ANKS1B: variants seen among roughly 807,000 people sequenced by gnomAD.
ANKS1B encodes ankyrin repeat and sterile alpha motif domain containing 1B.
In ANKS1B, 36 loss-of-function variants were observed where a neutral mutation model predicts 148.3. That is an observed-to-expected ratio of 0.24 (90% CI 0.19 to 0.32). The LOEUF (loss-of-function observed/expected upper bound fraction) is 0.32, where lower values mean the gene tolerates loss of function less well. ANKS1B is among the 10% of genes least tolerant of loss of function. ANKS1B has a pLI of 1.00. For synonymous variants in ANKS1B, 542 were observed against 560.8 expected, an observed-to-expected ratio of 0.97 and a Z score of 0.47; for missense variants, 1,157 against 1,542.6, an observed-to-expected ratio of 0.75 and a Z score of 4.19.
At chr12:99,168,934 T>A (rs1413119321) in intron 14 of ANKS1B, among the ~76,000 whole-genome samples, 1 of 152,218 alleles carries the variant, frequency 6.6e-6, no homozygotes, top group Non-Finnish European at 1.5e-5. Context: ...AATATTAGTT[T>A]AGGTATCTAA....
intron 9 of ANKS1B, among the ~76,000 whole-genome samples, chr12:99,650,312 T>C (rs1273627302): frequency 5.3e-5 from 8 of 152,176 alleles, no homozygotes; most frequent in Non-Finnish European, 1.0e-4. Context: ...CTCTCTCCTC[T>C]CTCTCTCCAG....
chr12:99,573,173 A>G (rs1161370606), intron 9 of ANKS1B, among the ~76,000 whole-genome samples: 3 of 152,124 alleles, frequency 2.0e-5, no homozygotes, highest in Non-Finnish European at 4.4e-5. Flanking sequence ...ACAGATTTTC[A>G]GCATCTATTG....
intron 1 of ANKS1B, among the ~76,000 whole-genome samples, chr12:99,828,457 ACT>A (rs1485355352): frequency 6.6e-6 from 1 of 152,096 alleles, no homozygotes; most frequent in African/African-American, 2.4e-5. Context: ...GAAAACCTCC[ACT>A]CTCAAATATG....
intron 9 of ANKS1B, among the ~76,000 whole-genome samples, chr12:99,560,932 C>T (rs185831566): frequency 2.7e-5 from 4 of 150,178 alleles, no homozygotes; most frequent in Admixed American, 1.3e-4. Context: ...CTGCAAGCTC[C>T]GCCTCCTGGG....
intron 14 of ANKS1B, among the ~76,000 whole-genome samples, chr12:99,172,630 TTGGTCTA>T (rs2077909272): frequency 2.0e-5 from 3 of 152,196 alleles, no homozygotes; most frequent in South Asian, 4.1e-4. Flanking sequence ...TAGAGAAGAC[TTGGTCTA>T]ATGTTGGTTC....
At chr12:99,088,843 T>TG in intron 15 of ANKS1B, among the ~76,000 whole-genome samples, 1 of 134,434 alleles carries the variant, frequency 7.4e-6, no homozygotes, top group Middle Eastern at 3.6e-3. Flanking sequence ...CTTCTGTTTT[T>TG]TTTTTTTTTT....
At chr12:98,821,428 T>G (rs1316127308) in intron 19 of ANKS1B, among the ~76,000 whole-genome samples, 1 of 152,192 alleles carries the variant, frequency 6.6e-6, no homozygotes, top group Non-Finnish European at 1.5e-5. Flanking sequence ...TCAGTCCACA[T>G]TGTTCACATG....
chr12:99,416,468 C>T (rs1286744805), intron 11 of ANKS1B, among the ~76,000 whole-genome samples: 1 of 152,202 alleles, frequency 6.6e-6, no homozygotes, highest in African/African-American at 2.4e-5. Context: ...ACATTTCCAC[C>T]AGCAATCTAT....
At chr12:98,782,991 G>C (rs1455828417) in intron 22 of ANKS1B, among the ~76,000 whole-genome samples, 1 of 151,284 alleles carries the variant, frequency 6.6e-6, no homozygotes, top group East Asian at 1.9e-4. Flanking sequence ...ACTCTGTAAA[G>C]AGGGAGGGCT....
At chr12:99,293,878 A>G (rs1037670942) in intron 12 of ANKS1B, among the ~76,000 whole-genome samples, 1 of 152,254 alleles carries the variant, frequency 6.6e-6, no homozygotes, top group Admixed American at 6.5e-5. Context: ...CTGAATAGAC[A>G]TTTATCAAAA....
chr12:99,150,767 A>AACTCAGGGG (rs1468945122), intron 15 of ANKS1B, among the ~76,000 whole-genome samples: 1 of 152,080 alleles, frequency 6.6e-6, no homozygotes, highest in African/African-American at 2.4e-5. Flanking sequence ...CTATGTTGCA[A>AACTCAGGGG]ACTCAGGGGA....
chr12:99,384,081 A>C (rs1156395670), intron 12 of ANKS1B, among the ~76,000 whole-genome samples: 1 of 152,162 alleles, frequency 6.6e-6, no homozygotes, highest in African/African-American at 2.4e-5. Flanking sequence ...ATGAACTCTC[A>C]GCTCAAAGAG....
chr12:98,974,413 T>C (rs1554546), intron 17 of ANKS1B, among the ~76,000 whole-genome samples: 14,884 of 152,182 alleles, frequency 0.098, 1,479 homozygotes, highest in African/African-American at 0.24. Context: ...TGAGTTAATA[T>C]TTGCAAAATG....
chr12:99,433,478 C>G (rs531481052), intron 11 of ANKS1B, among the ~76,000 whole-genome samples: 33 of 152,140 alleles, frequency 2.2e-4, no homozygotes, highest in Non-Finnish European at 3.5e-4. Flanking sequence ...GGTTTTGAAG[C>G]CTGCTAAGAG....
chr12:99,102,463 A>ACTGGGTG (rs1462840023), intron 15 of ANKS1B, among the ~76,000 whole-genome samples: 1 of 151,944 alleles, frequency 6.6e-6, no homozygotes, highest in Non-Finnish European at 1.5e-5. Flanking sequence ...ATAGGAGGTG[A>ACTGGGTG]CTGGGTGCAC....
chr12:99,814,523 A>G (rs1194656251), intron 2 of ANKS1B, among the ~76,000 whole-genome samples: 1 of 151,774 alleles, frequency 6.6e-6, no homozygotes, highest in East Asian at 1.9e-4. Flanking sequence ...TTTCCCTGCC[A>G]AGCAAGGGTT....
chr12:99,955,851 T>C (rs2095315024), intron 1 of ANKS1B, among the ~76,000 whole-genome samples: 1 of 152,154 alleles, frequency 6.6e-6, no homozygotes, highest in Non-Finnish European at 1.5e-5. Flanking sequence ...AAATCAGATA[T>C]GTAAATAAGT....
chr12:99,758,171 G>A (rs1221787354), intron 8 of ANKS1B, among the ~76,000 whole-genome samples: 1 of 151,886 alleles, frequency 6.6e-6, no homozygotes, highest in African/African-American at 2.4e-5. Flanking sequence ...GTCTCATCTG[G>A]CAGTATAATA....
intron 18 of ANKS1B, 131 bp downstream of exon 18, chr12:98,831,898 C>CA (rs2099319414): frequency 1.3e-6 from 1 of 792,900 alleles, no homozygotes; most frequent in East Asian, 2.7e-5. Flanking sequence ...TACAGACAGG[C>CA]ACAACCACAC....
Sources: allele counts gnomAD v4.1 joint callset (sites outside exome capture counted in the v4.1 genomes callset), GRCh38; gene constraint gnomAD v4.1.1; transcripts MANE v1.5; gene names NCBI Gene and HGNC (gene_info 2026-07-23, HGNC 2026-07-21).